ST3GAL3: variants seen among roughly 807,000 people sequenced by gnomAD.
ST3GAL3 encodes the protein ST3 beta-galactoside alpha-2,3-sialyltransferase 3.
Under a neutral mutation model 50.1 loss-of-function variants are expected in ST3GAL3, and 21 were observed. That is an observed-to-expected ratio of 0.42 (90% CI 0.30 to 0.60). The LOEUF (loss-of-function observed/expected upper bound fraction) is 0.60, where lower values mean the gene tolerates loss of function less well. Ranked by LOEUF, ST3GAL3 falls within the 20% of genes least tolerant of loss-of-function variation. The pLI, the probability that ST3GAL3 is intolerant of heterozygous loss-of-function variation, is 0.19. For synonymous variants in ST3GAL3, 183 were observed against 190.0 expected, an observed-to-expected ratio of 0.96 and a Z score of 0.30; for missense variants, 353 against 489.4, an observed-to-expected ratio of 0.72 and a Z score of 2.63.
intron 1 of ST3GAL3, among the ~76,000 whole-genome samples, chr1:43,725,361 G>T (rs936916933): frequency 6.6e-6 from 1 of 151,938 alleles, no homozygotes; most frequent in Non-Finnish European, 1.5e-5. Context: ...GCACCATCAC[G>T]CCCAGCTAAT....
intron 5 of ST3GAL3, among the ~76,000 whole-genome samples, chr1:43,861,351 G>C (rs975058280): frequency 6.6e-6 from 1 of 152,066 alleles, no homozygotes; most frequent in African/African-American, 2.4e-5. Flanking sequence ...TGCCTCGTCT[G>C]GGGTGGTAAG....
At chr1:43,853,253 C>A (rs2067680941) in intron 5 of ST3GAL3, among the ~76,000 whole-genome samples, 1 of 152,172 alleles carries the variant, frequency 6.6e-6, no homozygotes, top group African/African-American at 2.4e-5. Flanking sequence ...CTAATCCAAG[C>A]CACGTCCATG....
chr1:43,710,908 A>G (rs894872327), intron 1 of ST3GAL3, among the ~76,000 whole-genome samples: 2 of 152,220 alleles, frequency 1.3e-5, no homozygotes, highest in African/African-American at 4.8e-5. Context: ...TACCCACAGT[A>G]TAAGACTGAA....
At chr1:43,835,940 C>A (rs931089743) in intron 4 of ST3GAL3, among the ~76,000 whole-genome samples, 5 of 152,204 alleles carry the variant, frequency 3.3e-5, no homozygotes, top group African/African-American at 4.8e-5. Flanking sequence ...GTGTTGACCA[C>A]TCCTGTGCTG....
chr1:43,886,512 T>TA, intron 5 of ST3GAL3, among the ~76,000 whole-genome samples: 1 of 152,354 alleles, frequency 6.6e-6, no homozygotes, highest in South Asian at 2.1e-4. Flanking sequence ...ATGTGCCTAT[T>TA]AAAAATTTTT....
chr1:43,893,787 A>G (rs1206002329), intron 5 of ST3GAL3, among the ~76,000 whole-genome samples: 2 of 151,688 alleles, frequency 1.3e-5, no homozygotes, highest in Non-Finnish European at 2.9e-5. Flanking sequence ...TCAAATTCCT[A>G]CTGGTCTGAA....
intron 9 of ST3GAL3, among the ~76,000 whole-genome samples, chr1:43,909,572 C>T (rs1397023308): frequency 3.3e-5 from 5 of 152,110 alleles, no homozygotes; most frequent in African/African-American, 4.8e-5. Flanking sequence ...AAATCCCAAA[C>T]GGACTAAAAA....
At chr1:43,830,529 A>G (rs1297743540) in intron 4 of ST3GAL3, among the ~76,000 whole-genome samples, 1 of 152,202 alleles carries the variant, frequency 6.6e-6, no homozygotes, top group Non-Finnish European at 1.5e-5. Context: ...CTGAACTGTG[A>G]CACCTGCTTT....
chr1:43,896,565 G>T (rs2077414378), intron 6 of ST3GAL3, among the ~76,000 whole-genome samples: 1 of 152,072 alleles, frequency 6.6e-6, no homozygotes, highest in Non-Finnish European at 1.5e-5. Context: ...ATATGTTTGA[G>T]ACAGGGTCTT....
At chr1:43,922,089 G>A (rs1217302943) in intron 11 of ST3GAL3, 1 of 192,232 alleles carries the variant, frequency 5.2e-6, no homozygotes, top group East Asian at 1.2e-4. Context: ...ATCATAGCTG[G>A]GCACAGTGGC....
chr1:43,923,615 GTCTC>G (rs983147677), intron 11 of ST3GAL3, among the ~76,000 whole-genome samples: 1 of 152,030 alleles, frequency 6.6e-6, no homozygotes, highest in Non-Finnish European at 1.5e-5. Flanking sequence ...GCTCTCCTGA[GTCTC>G]TCTCTTTTCT....
chr1:43,898,534 G>A (rs1274189557), intron 7 of ST3GAL3: 6 of 606,348 alleles, frequency 9.9e-6, no homozygotes, highest in African/African-American at 1.8e-5. Context: ...CCAGAGGTTT[G>A]AGGGTAAGAA....
intron 2 of ST3GAL3, among the ~76,000 whole-genome samples, chr1:43,769,650 A>C (rs550765150): frequency 2.3e-4 from 35 of 152,334 alleles, no homozygotes; most frequent in African/African-American, 8.2e-4. Context: ...GTGCTGGACT[A>C]GATGGTTCAA....
chr1:43,754,937 C>A (rs953160660), intron 2 of ST3GAL3, among the ~76,000 whole-genome samples: 29 of 143,052 alleles, frequency 2.0e-4, no homozygotes, highest in Admixed American at 2.8e-4. Context: ...AAAAAAAAAA[C>A]ATAATAAAAG....
intron 1 of ST3GAL3, among the ~76,000 whole-genome samples, chr1:43,716,041 C>G (rs925114305): frequency 5.9e-5 from 9 of 152,148 alleles, no homozygotes; most frequent in Non-Finnish European, 1.0e-4. Flanking sequence ...TTTTGTGTGA[C>G]TTTTATATCC....
chr1:43,754,622 C>G lies in ST3GAL3; in HGVS notation c.118+18242C>G, dbSNP rs949378465. On this transcript the variant is annotated intron_variant, in intron 2 of 11. Coordinates refer to ENST00000347631, the MANE Select transcript of ST3GAL3 (RefSeq NM_006279.5). ...TAACTCCAGGTACAAGTGTAGAATT[C>G]AGGCAGACTAAAGATTTAAATGAGA... Among the ~76,000 whole-genome samples, 19 of 152,156 alleles carry G rather than the reference C, an allele frequency of 1.2e-4. 1 individual carries two copies. Among genetic ancestry groups the G allele is most frequent in the Non-Finnish European group, 2.9e-5 (2 of 68,030 alleles).
chr1:43,876,573 A>G lies in ST3GAL3; in HGVS notation c.303-17810A>G, dbSNP rs2074159569. Among the ~76,000 whole-genome samples the G allele has an allele frequency of 2.6e-5, 4 of 152,162 alleles. No homozygotes were observed. In the South Asian group the frequency reaches 8.3e-4, roughly 32 times the overall value. ...AGTCAGTAATGTGGAACTGCTGAAG[A>G]TCTTCCAATGAAGGGACAAGATAGG... On this transcript the variant is annotated intron_variant, in intron 5 of 11. Coordinates refer to ENST00000347631, the MANE Select transcript of ST3GAL3 (RefSeq NM_006279.5).
At chr1:43,921,234 C>T (rs1571541291) in intron 11 of ST3GAL3, among the ~76,000 whole-genome samples, 1 of 152,290 alleles carries the variant, frequency 6.6e-6, no homozygotes, top group East Asian at 1.9e-4. Context: ...TTCCTGCCTT[C>T]CCCCAGAGGA....
chr1:43,801,631 GAT>G, intron 3 of ST3GAL3: 1 of 209,322 alleles, frequency 4.8e-6, no homozygotes, highest in African/African-American at 2.7e-5. Flanking sequence ...AAACATTTGT[GAT>G]TTTTTTTTTT....
Sources: gnomAD v4.1 joint callset for allele counts (sites outside exome capture counted in the v4.1 genomes callset) on GRCh38, gnomAD v4.1.1 for gene constraint, MANE v1.5 for transcripts, NCBI Gene and HGNC (gene_info 2026-07-23, HGNC 2026-07-21) for gene names.